CNTNAP3: variants seen among roughly 807,000 people sequenced by gnomAD.
CNTNAP3 encodes contactin associated protein family member 3.
In CNTNAP3, 36 loss-of-function variants were observed where a neutral mutation model predicts 92.1. That is an observed-to-expected ratio of 0.39 (90% CI 0.30 to 0.52). The LOEUF (loss-of-function observed/expected upper bound fraction) is 0.52. CNTNAP3 is among the 20% of genes least tolerant of loss of function. The probability of loss-of-function intolerance (pLI) is 0.76; values close to 1 mark genes in which losing one functional copy is unlikely to be tolerated. For synonymous variants in CNTNAP3, 232 were observed against 422.3 expected (o/e 0.55, Z 5.53); for missense variants, 534 against 1,069.6 (o/e 0.50, Z 6.98).
At chr9:39,140,771 G>A (rs1821556411) in intron 11 of CNTNAP3, 133 bp from the exon 12 acceptor site, 4 of 1,280,442 alleles carry the variant, frequency 3.1e-6, no homozygotes, top group South Asian at 2.9e-5. Flanking sequence ...GTGTATGACA[G>A]TATATTTGAT....
chr9:39,079,424 CTT>C (rs776724616), intron 21 of CNTNAP3, among the ~76,000 whole-genome samples: 2 of 148,272 alleles, frequency 1.3e-5, no homozygotes, highest in Admixed American at 6.6e-5. Flanking sequence ...TAATATCCCT[CTT>C]TATCTCATTT....
rs148515755 is a variant in CNTNAP3 at position 39,071,593 on chromosome 9, T to C, written c.*2297A>G. On this transcript the variant is annotated 3_prime_UTR_variant, in exon 24 of 24. Transcript: ENST00000297668. The stretch of plus-strand genomic sequence containing the variant: ...TTTACTTTTATGTTACAAAAGGGTG[T>C]TACTTGCAACTAGCATCTATGTATC... 2.7e-3 allele frequency among the ~76,000 whole-genome samples: 408 copies of C among 152,182 alleles called. 2 individuals carry two copies. The highest frequency in any genetic ancestry group is 9.2e-3 in the African/African-American group (382 of 41,544).
At chr9:39,077,515 TCA>T (rs1194838551) in intron 23 of CNTNAP3, among the ~76,000 whole-genome samples, 1 of 151,908 alleles carries the variant, frequency 6.6e-6, no homozygotes, top group Non-Finnish European at 1.5e-5. Context: ...CGAGATTGCT[TCA>T]CTGCACTCCA....
At chr9:39,091,854 C>T (rs1159224416) in intron 18 of CNTNAP3, among the ~76,000 whole-genome samples, 1 of 151,792 alleles carries the variant, frequency 6.6e-6, no homozygotes, top group Non-Finnish European at 1.5e-5. Flanking sequence ...TTGAAACCAT[C>T]TGGACCTGGG....
At chr9:39,128,790 TA>T (rs945048458) in intron 13 of CNTNAP3, among the ~76,000 whole-genome samples, 12 of 150,124 alleles carry the variant, frequency 8.0e-5, no homozygotes, top group Admixed American at 2.0e-4. Flanking sequence ...CCAAGGAAAC[TA>T]AAAAAAAATT....
In CNTNAP3 at chr9:39,085,838, A is replaced by G. The variant is rs1391346015; in HGVS notation, c.3355-15T>C. On this transcript the variant is annotated splice_polypyrimidine_tract_variant and intron_variant, in intron 20 of 23. Coordinates refer to ENST00000297668, the MANE Select transcript of CNTNAP3 (RefSeq NM_033655.5). ...CTCTGGTTAACCTATTAGATGTCCC[A>G]TGAGAAGCAAACATCAACAGAAAGT... is the stretch of plus-strand genomic sequence containing the variant. 1.0e-5 allele frequency: 16 copies of G among 1,538,880 alleles called. 1 individual carries two copies. The highest frequency in any genetic ancestry group is 1.4e-5 in the Non-Finnish European group (16 of 1,119,406).
At chr9:39,137,351 T>A (rs1348995818) in intron 12 of CNTNAP3, among the ~76,000 whole-genome samples, 1 of 152,080 alleles carries the variant, frequency 6.6e-6, no homozygotes. Flanking sequence ...CACTCCTTTT[T>A]GCTTCTTAGA....
chr9:39,168,006 G>GTTT (rs201151152), intron 8 of CNTNAP3, among the ~76,000 whole-genome samples: 103 of 140,942 alleles, frequency 7.3e-4, no homozygotes, highest in African/African-American at 2.6e-3. Flanking sequence ...TTTACCTTGA[G>GTTT]TTTTTTTTTG....
At chr9:39,094,505 A>G (rs11523054) in intron 18 of CNTNAP3, among the ~76,000 whole-genome samples, 35,092 of 151,364 alleles carry the variant, frequency 0.23, 4,374 homozygotes, top group East Asian at 0.38. Flanking sequence ...TTTAGATTTA[A>G]AACTTTGATT....
chr9:39,146,582 G>A (rs2315482), intron 10 of CNTNAP3, among the ~76,000 whole-genome samples: 3 of 152,064 alleles, frequency 2.0e-5, no homozygotes, highest in Admixed American at 6.5e-5. Flanking sequence ...CCAGCTACTC[G>A]GGAGGCTGAG....
In CNTNAP3 at chr9:39,071,069, CCTTAT is replaced by C. The variant is rs1426792594; in HGVS notation, c.*2816_*2820del. Among the ~76,000 whole-genome samples, 29 of 152,200 alleles carry C rather than the reference CCTTAT, an allele frequency of 1.9e-4. No homozygotes were observed. The highest frequency in any genetic ancestry group is 5.9e-4 in the Admixed American group (9 of 15,288). On this transcript the variant is annotated 3_prime_UTR_variant, in exon 24 of 24. Transcript: ENST00000297668. The stretch of plus-strand genomic sequence containing the variant: ...TACTTGAAGAGATTAGCTCTTACAA[CCTTAT>C]CTTTGTCTCATCTATAAAACTGAGG...
Position 39,132,841 on chromosome 9 carries a change from C to T in CNTNAP3, c.2080+91G>A, listed in dbSNP as rs938656796. On this transcript the variant is annotated intron_variant, in intron 13 of 23. Transcript: ENST00000297668. ...TTTGAACTAAGAGCCACGGGAGGGA[C>T]CCTGGCCTTTTCTCCCTCAAACGCA... The T allele has an allele frequency of 2.9e-5, 41 of 1,392,610 alleles. No individual in the cohort carries two copies. In the Middle Eastern group the frequency reaches 7.6e-4, roughly 26 times the overall value. The allele number at this position is 1,392,610 out of a possible 1,614,324, so 86.3% of individuals were successfully genotyped here.
intron 12 of CNTNAP3, among the ~76,000 whole-genome samples, chr9:39,134,791 T>A (rs1378562532): frequency 6.6e-6 from 1 of 152,146 alleles, no homozygotes; most frequent in Non-Finnish European, 1.5e-5. Flanking sequence ...ACCTTCAGAG[T>A]TTTCCTATCA....
chr9:39,104,998 A>T (rs886968133), intron 15 of CNTNAP3, among the ~76,000 whole-genome samples: 28 of 152,318 alleles, frequency 1.8e-4, no homozygotes, highest in Admixed American at 9.8e-4. Flanking sequence ...TTACCCAGTT[A>T]AAAATTTCTT....
intron 23 of CNTNAP3, among the ~76,000 whole-genome samples, chr9:39,075,987 T>A (rs1266258289): frequency 6.6e-6 from 1 of 152,308 alleles, no homozygotes; most frequent in Non-Finnish European, 1.5e-5. Flanking sequence ...TATTAATTTA[T>A]ATCTTCAGCC....
chr9:39,140,362 A>G lies in CNTNAP3; in HGVS notation c.1876+157T>C, dbSNP rs183837763. Among the ~76,000 whole-genome samples the G allele has an allele frequency of 3.2e-3, 488 of 152,306 alleles. 3 individuals carry two copies. Among genetic ancestry groups the G allele is most frequent in the Non-Finnish European group, 5.4e-3 (369 of 68,032 alleles). ...TCCAACCCAGGCAAACAAGAAATAC[A>G]AGAAAATTTTGTTGACAACAAAATT... On this transcript the variant is annotated intron_variant, in intron 12 of 23. Transcript: ENST00000297668.
At chr9:39,095,534 G>T (rs1164645085) in intron 18 of CNTNAP3, among the ~76,000 whole-genome samples, 1 of 141,616 alleles carries the variant, frequency 7.1e-6, no homozygotes, top group East Asian at 2.3e-4. Flanking sequence ...ATCATGAAAG[G>T]TTACTGGAGT....
chr9:39,143,070 A>G (rs1361322349), intron 11 of CNTNAP3, among the ~76,000 whole-genome samples: 2 of 149,944 alleles, frequency 1.3e-5, no homozygotes, highest in South Asian at 4.2e-4. Flanking sequence ...AGAAAACTTT[A>G]AAAGTTAAAA....
At position 39,097,352 on chromosome 9, in the gene CNTNAP3, G is replaced by A. The variant is rs2118464365; in HGVS notation, c.2995+2559C>T. ...TGCCTCACTGCTCTGAAGCTGTGGG[G>A]AGTGAGAGTGGCCTGCTCCTTTGTA... On this transcript the variant is annotated intron_variant, in intron 18 of 23. Coordinates refer to ENST00000297668, the MANE Select transcript of CNTNAP3 (RefSeq NM_033655.5). Among the ~76,000 whole-genome samples the A allele has an allele frequency of 2.0e-5, 3 of 152,120 alleles. No homozygotes were observed. The South Asian group carries it at 6.2e-4, about 32-fold the overall frequency.
Sources: gnomAD v4.1 joint callset for allele counts (sites outside exome capture counted in the v4.1 genomes callset) on GRCh38, gnomAD v4.1.1 for gene constraint, MANE v1.5 for transcripts, NCBI Gene and HGNC (gene_info 2026-07-23, HGNC 2026-07-21) for gene names.